PDE3A: variants seen among roughly 807,000 people sequenced by gnomAD.
PDE3A encodes the protein cGMP-inhibited 3',5'-cyclic phosphodiesterase 3A.
PDE3A carries 43 observed loss-of-function variants against 98.3 expected under a neutral mutation model. The ratio of observed to expected loss-of-function variants is 0.44; its 90% CI spans 0.34 to 0.56. PDE3A has a LOEUF of 0.56. PDE3A is among the 20% of genes least tolerant of loss of function. The pLI is 0.01. For missense variants in PDE3A, 1,427 were observed against 1,440.7 expected, an observed-to-expected ratio of 0.99 and a Z score of 0.15; for synonymous variants, 663 against 567.9, an observed-to-expected ratio of 1.17 and a Z score of -2.38.
At chr12:20,443,220 A>G (rs1006103598) in intron 1 of PDE3A, among the ~76,000 whole-genome samples, 13 of 152,064 alleles carry the variant, frequency 8.5e-5, no homozygotes, top group Non-Finnish European at 1.8e-4. Context: ...ATAGAAATTG[A>G]TTTGAGGGAG....
intron 10 of PDE3A, among the ~76,000 whole-genome samples, chr12:20,645,319 C>G (rs1443032910): frequency 6.6e-6 from 1 of 152,102 alleles, no homozygotes; most frequent in African/African-American, 2.4e-5. Flanking sequence ...TTCCTAATGG[C>G]TGCCAGAAAT....
chr12:20,464,293 A>C (rs950606470), intron 1 of PDE3A, among the ~76,000 whole-genome samples: 1 of 152,196 alleles, frequency 6.6e-6, no homozygotes, highest in African/African-American at 2.4e-5. Flanking sequence ...GTATTTCAAT[A>C]GATCCACAAA....
At chr12:20,578,756 T>C (rs1054075957) in intron 2 of PDE3A, among the ~76,000 whole-genome samples, 1 of 152,142 alleles carries the variant, frequency 6.6e-6, no homozygotes, top group South Asian at 2.1e-4. Flanking sequence ...CCACTCTCCC[T>C]GGTCTCCCTG....
chr12:20,673,565 T>C (rs1386729149), intron 15 of PDE3A, among the ~76,000 whole-genome samples: 7 of 149,258 alleles, frequency 4.7e-5, no homozygotes, highest in Non-Finnish European at 8.9e-5. Context: ...ATGGATGAAA[T>C]TGGAAAACAT....
chr12:20,546,466 C>A lies in PDE3A; in HGVS notation c.961-10194C>A, dbSNP rs960237678. ...GATCTTCCCAATCCAGAGCACTGACCTCTGCTAGAGCCTGCAGTCAGGGGA... is the reference window on the plus strand; with the variant it reads ...GATCTTCCCAATCCAGAGCACTGACATCTGCTAGAGCCTGCAGTCAGGGGA... On this transcript the variant is annotated intron_variant, in intron 1 of 15. Transcript: ENST00000359062. Among the ~76,000 whole-genome samples, 8 of 152,100 alleles carry A rather than the reference C, an allele frequency of 5.3e-5. No individual in the cohort carries two copies. In the South Asian group the frequency reaches 1.7e-3, roughly 32 times the overall value.
In PDE3A at chr12:20,369,171, A is replaced by C; in HGVS notation, c.-114A>C. The C allele has an allele frequency of 1.8e-5, 12 of 659,186 alleles. No individual in the cohort carries two copies. The highest frequency in any genetic ancestry group is 2.9e-5 in the East Asian group (1 of 34,444). 40.8% of individuals were successfully genotyped at this position (659,186 alleles called of 1,614,324 possible). On this transcript the variant is annotated 5_prime_UTR_variant, in exon 1 of 16. Transcript: ENST00000359062. ...GGAGAAGAAGGATTCCGAGGGTGGA[A>C]TTGGGAAGAGCGTGCGTGCGTGTGT...
At chr12:20,650,274 A>G (rs150460769) in intron 13 of PDE3A, among the ~76,000 whole-genome samples, 171 bp from the exon 14 acceptor site, 1,699 of 152,234 alleles carry the variant, frequency 0.011, 34 homozygotes, top group African/African-American at 0.039. Context: ...AACTATTTTT[A>G]CCATTAATTT....
At chr12:20,464,330 G>T (rs1331028712) in intron 1 of PDE3A, among the ~76,000 whole-genome samples, 3 of 152,068 alleles carry the variant, frequency 2.0e-5, no homozygotes, top group Non-Finnish European at 2.9e-5. Context: ...CAAAATGAGG[G>T]TTATATTTAC....
At chr12:20,510,351 T>C (rs1946198028) in intron 1 of PDE3A, among the ~76,000 whole-genome samples, 1 of 152,096 alleles carries the variant, frequency 6.6e-6, no homozygotes, top group African/African-American at 2.4e-5. Flanking sequence ...AATAATCCAC[T>C]AGAATTAGCA....
intron 1 of PDE3A, chr12:20,551,530 C>T: frequency 1.7e-6 from 2 of 1,205,770 alleles, no homozygotes; most frequent in Non-Finnish European, 2.3e-6. Context: ...CGATAACGAA[C>T]GAGACTCTGG....
rs1945814989 is a variant in PDE3A at position 20,682,439 on chromosome 12, T to A, written c.*2168T>A. ...TATTTTACAATAATTCATGGCATTT[T>A]AAAAAATAAGGCAAAGATAATACGA... On this transcript the variant is annotated 3_prime_UTR_variant, in exon 16 of 16. Coordinates refer to ENST00000359062, the MANE Select transcript of PDE3A (RefSeq NM_000921.5). 1 of 152,278 alleles carries A rather than the reference T, an allele frequency of 6.6e-6. No individual in the cohort carries two copies. The highest frequency in any genetic ancestry group is 2.1e-4 in the South Asian group (1 of 4,828). The allele number at this position is 152,278 out of a possible 1,614,324, so 9.4% of individuals were successfully genotyped here. A position where few individuals can be genotyped will look rare whatever the true frequency, so the allele number is the denominator to read the frequency against.
At chr12:20,377,543 A>G (rs1336278503) in intron 1 of PDE3A, among the ~76,000 whole-genome samples, 1 of 151,762 alleles carries the variant, frequency 6.6e-6, no homozygotes, top group African/African-American at 2.4e-5. Flanking sequence ...ATATTTTTAA[A>G]GATTTGTAAT....
chr12:20,454,163 C>G (rs1945114704), intron 1 of PDE3A, among the ~76,000 whole-genome samples: 1 of 152,200 alleles, frequency 6.6e-6, no homozygotes, highest in Non-Finnish European at 1.5e-5. Context: ...CACATCAGCT[C>G]CTGGCTCTTG....
intron 2 of PDE3A, among the ~76,000 whole-genome samples, chr12:20,609,243 C>T (rs1303377353): frequency 6.6e-6 from 1 of 151,866 alleles, no homozygotes; most frequent in African/African-American, 2.4e-5. Flanking sequence ...TGAAAATCAA[C>T]AGACAAAAAT....
chr12:20,574,503 T>C (rs1309367923), intron 2 of PDE3A, among the ~76,000 whole-genome samples: 1 of 152,100 alleles, frequency 6.6e-6, no homozygotes, highest in African/African-American at 2.4e-5. Context: ...AAGTTTGTTC[T>C]GTGGATACAA....
intron 2 of PDE3A, among the ~76,000 whole-genome samples, chr12:20,558,715 T>C (rs1275780229): frequency 6.7e-6 from 1 of 148,944 alleles, no homozygotes; most frequent in Admixed American, 6.7e-5. Context: ...ATAATAATAA[T>C]AATAACAATA....
chr12:20,619,859 GA>G lies in PDE3A; in HGVS notation c.1425-1427del, dbSNP rs1328632194. Among the ~76,000 whole-genome samples, 17 of 148,792 alleles carry G rather than the reference GA, an allele frequency of 1.1e-4. No individual in the cohort carries two copies. The East Asian group carries it at 2.1e-3, about 19-fold the overall frequency. Reference sequence around the variant, plus strand: ...GTTGAAGAAAAATCTCTCTGAAATGGAAAAAAAAAATTGAGATAACAAGTGT... The same window carrying G: ...GTTGAAGAAAAATCTCTCTGAAATGGAAAAAAAAATTGAGATAACAAGTGT... On this transcript the variant is annotated intron_variant, in intron 4 of 15. Transcript: ENST00000359062.
intron 1 of PDE3A, among the ~76,000 whole-genome samples, chr12:20,553,695 T>G (rs117543240): frequency 0.075 from 11,447 of 152,288 alleles, 660 homozygotes; most frequent in East Asian, 0.25. Context: ...TCAAGGGGAC[T>G]CCGCTCCACG....
At chr12:20,384,820 T>C (rs1266875469) in intron 1 of PDE3A, among the ~76,000 whole-genome samples, 1 of 152,152 alleles carries the variant, frequency 6.6e-6, no homozygotes, top group Non-Finnish European at 1.5e-5. Context: ...CTAAGAATAA[T>C]GGCTTCCAGC....
Sources: gnomAD v4.1 joint callset for allele counts (sites outside exome capture counted in the v4.1 genomes callset) on GRCh38, gnomAD v4.1.1 for gene constraint, MANE v1.5 for transcripts, NCBI Gene and HGNC (gene_info 2026-07-23, HGNC 2026-07-21) for gene names.